The following THSD7B variants were observed in gnomAD, a reference collection of about 807,000 sequenced individuals.
The protein encoded by THSD7B is thrombospondin type-1 domain-containing protein 7B.
Under a neutral mutation model 213.6 loss-of-function variants are expected in THSD7B, and 138 were observed. That is an observed-to-expected ratio of 0.65 (90% CI 0.56 to 0.74). The LOEUF is 0.74. Ranked by LOEUF, THSD7B falls within the 30% of genes least tolerant of loss-of-function variation. The pLI is 0.00. For synonymous variants in THSD7B, 742 were observed against 687.0 expected, an observed-to-expected ratio of 1.08 and a Z score of -1.25; for missense variants, 1,931 against 1,991.5, an observed-to-expected ratio of 0.97 and a Z score of 0.58.
chr2:136,952,524 GCAGAGGACTTAT>G (rs953855411), intron 2 of THSD7B, among the ~76,000 whole-genome samples: 2 of 150,398 alleles, frequency 1.3e-5, no homozygotes, highest in African/African-American at 4.9e-5. Flanking sequence ...TCGCTCAGTG[GCAGAGGACTTAT>G]CTTTGGATGA....
At chr2:137,448,705 C>A (rs998453449) in intron 14 of THSD7B, among the ~76,000 whole-genome samples, 39 of 151,768 alleles carry the variant, frequency 2.6e-4, no homozygotes, top group African/African-American at 7.5e-4. Flanking sequence ...AGGCTGAGGC[C>A]GGAGAATGGC....
chr2:136,844,462 C>CAGAGAGAGAGAGAGAGAGAGAGAGAG (rs56716402), intron 1 of THSD7B, among the ~76,000 whole-genome samples: 3 of 142,514 alleles, frequency 2.1e-5, no homozygotes, highest in Non-Finnish European at 3.0e-5. Flanking sequence ...CCACCCAAAA[C>CAGAGAGAGAGAGAGAGAGAGAGAGAG]AGAGAGAGAG....
chr2:137,271,860 T>G (rs1558737777), intron 10 of THSD7B, among the ~76,000 whole-genome samples: 1 of 152,126 alleles, frequency 6.6e-6, no homozygotes, highest in Admixed American at 6.6e-5. Context: ...ATCTAAAGAT[T>G]GTGAAATGAG....
intron 17 of THSD7B, among the ~76,000 whole-genome samples, chr2:137,606,052 T>G (rs1291209735): frequency 6.6e-6 from 1 of 152,110 alleles, no homozygotes; most frequent in African/African-American, 2.4e-5. Flanking sequence ...CCACCCACCT[T>G]GGCTTCCCAA....
intron 1 of THSD7B, among the ~76,000 whole-genome samples, chr2:136,876,743 G>A (rs1297857851): frequency 2.4e-4 from 36 of 152,188 alleles, no homozygotes; most frequent in Admixed American, 2.4e-3. Flanking sequence ...ACAGACAGAT[G>A]CCAGCTTACC....
At chr2:137,563,172 A>T in intron 15 of THSD7B, 49 bp from the exon 16 acceptor site, 1 of 1,584,206 alleles carries the variant, frequency 6.3e-7, no homozygotes, top group Non-Finnish European at 8.6e-7. Context: ...CTATTTTTCT[A>T]TAAGTTGGAT....
chr2:137,385,019 G>C (rs745516564), intron 12 of THSD7B, among the ~76,000 whole-genome samples: 1 of 152,212 alleles, frequency 6.6e-6, no homozygotes, highest in African/African-American at 2.4e-5. Context: ...GCAGTCACCA[G>C]GTGGACTCCA....
chr2:136,883,638 T>C (rs1228316427), intron 2 of THSD7B, among the ~76,000 whole-genome samples: 1 of 152,138 alleles, frequency 6.6e-6, no homozygotes, highest in Non-Finnish European at 1.5e-5. Context: ...AAATGGAAAG[T>C]GGCAAATTTG....
At chr2:136,987,798 G>T (rs988609615) in intron 2 of THSD7B, among the ~76,000 whole-genome samples, 5 of 152,180 alleles carry the variant, frequency 3.3e-5, no homozygotes, top group Non-Finnish European at 7.3e-5. Context: ...CAAAAAGGAT[G>T]AAAGAAGTAA....
At chr2:137,357,698 A>T (rs1296248113) in intron 12 of THSD7B, among the ~76,000 whole-genome samples, 1 of 152,190 alleles carries the variant, frequency 6.6e-6, no homozygotes, top group Non-Finnish European at 1.5e-5. Context: ...TTTGAGGACA[A>T]TGCATGACCA....
intron 12 of THSD7B, among the ~76,000 whole-genome samples, chr2:137,282,963 G>A (rs967130651): frequency 2.6e-4 from 39 of 152,118 alleles, no homozygotes; most frequent in Non-Finnish European, 2.8e-4. Flanking sequence ...TAGCTTGATG[G>A]GGATGGCATT....
chr2:137,556,940 AAAG>A (rs1680983725), intron 15 of THSD7B, among the ~76,000 whole-genome samples: 1 of 152,198 alleles, frequency 6.6e-6, no homozygotes, highest in East Asian at 1.9e-4. Flanking sequence ...CAAAAGAGAC[AAAG>A]AAGGCCATTA....
rs865829825 is a variant in THSD7B at position 137,572,912 on chromosome 2, C to T, written c.3423+356C>T. 3.3e-5 allele frequency among the ~76,000 whole-genome samples: 5 copies of T among 151,928 alleles called. No homozygotes were observed. The South Asian group carries it at 1.0e-3, about 32-fold the overall frequency. ...ATCTTGGTCCTGTTCCATTTTTATC[C>T]TGGCAGAATCAATTACATCTTAGGA... is the stretch of plus-strand genomic sequence containing the variant. On this transcript the variant is annotated intron_variant, in intron 17 of 27. Transcript: ENST00000409968.
intron 14 of THSD7B, among the ~76,000 whole-genome samples, chr2:137,427,900 T>C (rs1055657722): frequency 6.6e-6 from 1 of 152,132 alleles, no homozygotes; most frequent in Non-Finnish European, 1.5e-5. Context: ...TTGTTGGAAA[T>C]CATTTTGTAG....
chr2:137,250,174 T>A (rs1682140459), intron 10 of THSD7B, among the ~76,000 whole-genome samples: 1 of 152,232 alleles, frequency 6.6e-6, no homozygotes, highest in Non-Finnish European at 1.5e-5. Context: ...TTTATTTCAC[T>A]GCCTCTTCCT....
chr2:137,224,664 A>G (rs1230155905), intron 7 of THSD7B, among the ~76,000 whole-genome samples: 1 of 152,088 alleles, frequency 6.6e-6, no homozygotes, highest in East Asian at 1.9e-4. Context: ...GTTAGCTACT[A>G]TTATTATTAT....
chr2:136,844,193 T>C (rs1029699184), intron 1 of THSD7B, among the ~76,000 whole-genome samples: 3 of 152,138 alleles, frequency 2.0e-5, no homozygotes, highest in Non-Finnish European at 2.9e-5. Context: ...ATAGAGAGAA[T>C]TTAACACAGG....
rs777485945 is a variant in THSD7B, at chr2:137,056,758, G to A, written c.478G>A (p.Glu160Lys). The change falls in exon 3 of 28, where the codon GAA (glutamate) becomes AAA (lysine). Residue 160 changes from glutamate to lysine, a missense_variant. By Grantham distance (56) the Glu-to-Lys change is moderately conservative. Coordinates refer to ENST00000409968, the MANE Select transcript of THSD7B (RefSeq NM_001316349.2). The part of the protein sequence containing the change: ...NRTVVANEIC[E>K]HFALQPPTEQ... ...AACTGTGGTTGCAAATGAAATATGC[G>A]AACACTTTGCCCTTCAGCCTCCTAC... 5.0e-6 allele frequency: 8 copies of A among 1,613,804 alleles called. No homozygotes were observed. Among genetic ancestry groups the A allele is most frequent in the Non-Finnish European group, 6.8e-6 (8 of 1,179,896 alleles).
intron 25 of THSD7B, 117 bp downstream of exon 25, chr2:137,659,863 A>T (rs1683310628): frequency 1.2e-6 from 1 of 822,690 alleles, no homozygotes; most frequent in African/African-American, 1.8e-5. Context: ...CCATGATACC[A>T]TCTAGAGGCA....
Sources: gnomAD v4.1 joint callset for allele counts (sites outside exome capture counted in the v4.1 genomes callset) on GRCh38, gnomAD v4.1.1 for gene constraint, MANE v1.5 for transcripts, NCBI Gene and HGNC (gene_info 2026-07-23, HGNC 2026-07-21) for gene names.